Variants in CSMD1 observed in about 807,000 individuals in gnomAD.
CSMD1 encodes CUB and sushi domain-containing protein 1.
In CSMD1, 213 loss-of-function variants were observed where a neutral mutation model predicts 417.5. The ratio of observed to expected loss-of-function variants is 0.51; its 90% CI spans 0.46 to 0.57. The LOEUF (loss-of-function observed/expected upper bound fraction) is 0.57, where lower values mean the gene tolerates loss of function less well. Ranked by LOEUF, CSMD1 falls within the 20% of genes least tolerant of loss-of-function variation. The pLI is 0.00. For synonymous variants in CSMD1, 2,862 were observed against 1,736.8 expected (o/e 1.65, Z -16.11); for missense variants, 6,923 against 4,529.7 (o/e 1.53, Z -15.17).
chr8:4,595,944 T>C (rs1800252403), intron 2 of CSMD1, among the ~76,000 whole-genome samples: 2 of 152,062 alleles, frequency 1.3e-5, no homozygotes, highest in African/African-American at 4.8e-5. Flanking sequence ...CTTACTAAAC[T>C]ATATGAACTG....
At chr8:3,803,751 T>A (rs1229609533) in intron 5 of CSMD1, among the ~76,000 whole-genome samples, 3 of 152,138 alleles carry the variant, frequency 2.0e-5, no homozygotes, top group Non-Finnish European at 2.9e-5. Flanking sequence ...GAATCTTGAT[T>A]AGGGTCCTGA....
rs144274294 is a variant in CSMD1, at chr8:3,597,649, T to C, written c.1098-11389A>G. ...AGCACATATACACCATGGAATACTATGCAGCCATAAAAAATGATGAGTTCA... is the reference window on the plus strand; with the variant it reads ...AGCACATATACACCATGGAATACTACGCAGCCATAAAAAATGATGAGTTCA... On this transcript the variant is annotated intron_variant, in intron 8 of 69. Coordinates refer to ENST00000635120, the MANE Select transcript of CSMD1 (RefSeq NM_033225.6). Among the ~76,000 whole-genome samples the C allele has an allele frequency of 9.1e-3, 1,380 of 152,276 alleles. 23 individuals are homozygous for C. Among genetic ancestry groups the C allele is most frequent in the African/African-American group, 0.031 (1,297 of 41,556 alleles).
At chr8:3,709,680 G>GGCTTTTTTTTTTT (rs1554518393) in intron 6 of CSMD1, among the ~76,000 whole-genome samples, 550 of 33,694 alleles carry the variant, frequency 0.016, 64 homozygotes, top group African/African-American at 0.056. Flanking sequence ...GCAGCAGCAT[G>GGCTTTTTTTTTTT]TTTTTTTTTT....
intron 18 of CSMD1, among the ~76,000 whole-genome samples, chr8:3,382,507 T>TTTTATATATATAAATTTATATAAATA (rs1810697850): frequency 1.5e-5 from 2 of 131,610 alleles, no homozygotes; most frequent in Non-Finnish European, 3.1e-5. Flanking sequence ...GTATATAAAT[T>TTTTATATATATAAATTTATATAAATA]TATATATATA....
At chr8:4,239,514 G>C (rs949746910) in intron 3 of CSMD1, among the ~76,000 whole-genome samples, 1 of 152,174 alleles carries the variant, frequency 6.6e-6, no homozygotes, top group East Asian at 1.9e-4. Flanking sequence ...CTGGTCCTCA[G>C]AGCTGGTTTT....
chr8:4,058,074 C>T (rs965604670), intron 3 of CSMD1, among the ~76,000 whole-genome samples: 7 of 152,102 alleles, frequency 4.6e-5, no homozygotes, highest in African/African-American at 1.7e-4. Context: ...TGTGAAGGAA[C>T]TCATTGGTAG....
chr8:3,372,067 G>A (rs34961790), intron 18 of CSMD1, among the ~76,000 whole-genome samples: 2,909 of 152,290 alleles, frequency 0.019, 41 homozygotes, highest in Middle Eastern at 0.068. Flanking sequence ...ATAAAAGGCA[G>A]ATGATATACA....
intron 3 of CSMD1, among the ~76,000 whole-genome samples, chr8:4,325,115 T>C (rs541254585): frequency 2.4e-4 from 36 of 152,284 alleles, no homozygotes; most frequent in Non-Finnish European, 3.4e-4. Flanking sequence ...TTGATGATAC[T>C]GCACATTGTA....
At chr8:4,697,046 C>T (rs1357158240) in intron 1 of CSMD1, among the ~76,000 whole-genome samples, 1 of 152,044 alleles carries the variant, frequency 6.6e-6, no homozygotes, top group Non-Finnish European at 1.5e-5. Flanking sequence ...GTGGTGCGTG[C>T]CTGTAATCCC....
chr8:3,691,428 A>T (rs114467457), intron 7 of CSMD1, among the ~76,000 whole-genome samples: 2,257 of 152,292 alleles, frequency 0.015, 45 homozygotes, highest in African/African-American at 0.048. Context: ...AACTGTGTCA[A>T]TGAAGAGAAG....
rs371553449 is a variant in CSMD1 at position 3,570,631 on chromosome 8, G to A, written c.1344+4314C>T. ...CGGAGCTACTGAATACAACCTGGAAGCTCCCTGACTCTGCCCCTTTGTTAT... is the reference window on the plus strand; with the variant it reads ...CGGAGCTACTGAATACAACCTGGAAACTCCCTGACTCTGCCCCTTTGTTAT... On this transcript the variant is annotated intron_variant, in intron 10 of 69. Transcript: ENST00000635120. Among the ~76,000 whole-genome samples, 19 of 152,264 alleles carry A rather than the reference G, an allele frequency of 1.2e-4. No homozygotes were observed. In the South Asian group the frequency reaches 2.5e-3, roughly 20 times the overall value.
At chr8:4,958,156 A>G (rs1169543172) in intron 1 of CSMD1, among the ~76,000 whole-genome samples, 1 of 152,226 alleles carries the variant, frequency 6.6e-6, no homozygotes, top group Non-Finnish European at 1.5e-5. Context: ...TCCCTCAAAC[A>G]AAATGTTGTT....
chr8:3,747,571 T>G (rs1156753144), intron 6 of CSMD1, among the ~76,000 whole-genome samples: 1 of 152,146 alleles, frequency 6.6e-6, no homozygotes, highest in African/African-American at 2.4e-5. Context: ...TTTGTCTCTT[T>G]CCAAGTTTGT....
At chr8:4,248,975 T>C (rs1349207987) in intron 3 of CSMD1, among the ~76,000 whole-genome samples, 4 of 152,130 alleles carry the variant, frequency 2.6e-5, no homozygotes, top group Admixed American at 2.6e-4. Context: ...ATATCATAAT[T>C]CAAAACATAA....
intron 5 of CSMD1, among the ~76,000 whole-genome samples, chr8:3,880,876 G>C (rs1316532483): frequency 6.6e-6 from 1 of 151,982 alleles, no homozygotes. Context: ...AATTTTTCTA[G>C]TCCTCCTTCG....
intron 5 of CSMD1, among the ~76,000 whole-genome samples, chr8:3,913,106 C>T (rs1338696097): frequency 6.6e-6 from 1 of 152,062 alleles, no homozygotes; most frequent in East Asian, 1.9e-4. Flanking sequence ...GTCTGTGTTG[C>T]AGTGGTCATG....
intron 1 of CSMD1, among the ~76,000 whole-genome samples, chr8:4,832,395 G>A (rs1288626618): frequency 6.6e-6 from 1 of 152,156 alleles, no homozygotes; most frequent in African/African-American, 2.4e-5. Flanking sequence ...AAGATACAGT[G>A]GACATTGACA....
chr8:3,738,277 G>T (rs535106414), intron 6 of CSMD1, among the ~76,000 whole-genome samples: 78 of 152,294 alleles, frequency 5.1e-4, no homozygotes, highest in Non-Finnish European at 9.8e-4. Flanking sequence ...CGATCACAGT[G>T]GAAGGAAGAG....
At chr8:4,384,967 A>C (rs78033823) in intron 3 of CSMD1, among the ~76,000 whole-genome samples, 14,280 of 152,144 alleles carry the variant, frequency 0.094, 807 homozygotes, top group South Asian at 0.2. Flanking sequence ...GTCACCCAGG[A>C]TGGAGTGCAA....
Sources: allele counts gnomAD v4.1 joint callset (sites outside exome capture counted in the v4.1 genomes callset), GRCh38; gene constraint gnomAD v4.1.1; transcripts MANE v1.5; gene names NCBI Gene and HGNC (gene_info 2026-07-23, HGNC 2026-07-21).